ZZEF1: variants seen among roughly 807,000 people sequenced by gnomAD.
ZZEF1 encodes the protein zinc finger ZZ-type and EF-hand domain containing 1.
Under a neutral mutation model 342.8 loss-of-function variants are expected in ZZEF1, and 157 were observed. The observed-to-expected ratio is 0.46, with a 90% CI of 0.40 to 0.52. ZZEF1 has a LOEUF of 0.52. Among genes scored for constraint, ZZEF1 ranks in the 20% least tolerant of loss-of-function variants. The probability of loss-of-function intolerance (pLI) is 0.00; values close to 1 mark genes in which losing one functional copy is unlikely to be tolerated. For synonymous variants in ZZEF1, 1,505 were observed against 1,429.1 expected (o/e 1.05, Z -1.20); for missense variants, 3,480 against 3,725.6 (o/e 0.93, Z 1.72).
intron 22 of ZZEF1, 37 bp from the exon 23 acceptor site, chr17:4,075,215 A>G: frequency 3.7e-6 from 6 of 1,613,622 alleles, no homozygotes; most frequent in Non-Finnish European, 5.1e-6. Context: ...TCCTTCTCTC[A>G]TTGCTGACCT....
intron 16 of ZZEF1, among the ~76,000 whole-genome samples, chr17:4,082,838 C>T (rs189318346): frequency 1.3e-5 from 2 of 152,224 alleles, no homozygotes; most frequent in African/African-American, 4.8e-5. Flanking sequence ...TGCAATGGCG[C>T]GATCTCAGCT....
Position 4,075,097 on chromosome 17 carries a change from C to T in ZZEF1, c.3483G>A (p.Lys1161=), listed in dbSNP as rs1368471374. Residue 1161 remains lysine, a splice_region_variant and synonymous_variant, in exon 23 of 55, where the codon AAG becomes AAA. Transcript: ENST00000381638. ...DTKVGTDKWP[K]KVTFKAGPRL... The stretch of plus-strand genomic sequence containing the variant: ...ACCTCTTTCTGGGACTATCACTCAC[C>T]TTGGGCCATTTATCAGTGCCAACTT... The T allele has an allele frequency of 6.2e-7, 1 of 1,614,174 alleles. No individual in the cohort carries two copies. The highest frequency in any genetic ancestry group is 1.7e-5 in the Admixed American group (1 of 60,022).
chr17:4,117,048 C>T lies in ZZEF1; in HGVS notation c.618G>A (p.Glu206=), dbSNP rs1360063979. ...GCATGGTGCACATGTTATTGCAGTG[C>T]TCCAGCATCGGGTAGGGCATCACCG... The part of the protein sequence containing the change: ...SSAVMPYPML[E]HCNNMCTMRS... The change falls in exon 3 of 55, where the codon GAG becomes GAA. Residue 206 remains glutamate (E), a synonymous_variant. Transcript: ENST00000381638. The T allele has an allele frequency of 6.2e-7, 1 of 1,614,120 alleles. No homozygotes were observed. The highest frequency in any genetic ancestry group is 8.5e-7 in the Non-Finnish European group (1 of 1,179,992).
intron 2 of ZZEF1, among the ~76,000 whole-genome samples, chr17:4,120,920 G>T (rs1213465278): frequency 6.6e-6 from 1 of 152,108 alleles, no homozygotes. Flanking sequence ...TTTCTTAAAC[G>T]CTTAAGCACC....
Position 4,072,845 on chromosome 17 carries a change from C to A in ZZEF1, c.3686-89G>T, listed in dbSNP as rs1045087977. On this transcript the variant is annotated intron_variant, in intron 24 of 54. Coordinates refer to ENST00000381638, the MANE Select transcript of ZZEF1 (RefSeq NM_015113.4). ...ATGAGAAAGAAAAGGTTAAAAAAAA[C>A]CATGGATACTATTAAAACTTAGAGA... 8 of 1,319,000 alleles carry A rather than the reference C, an allele frequency of 6.1e-6. No individual in the cohort carries two copies. The Admixed American group carries it at 7.2e-5, about 12-fold the overall frequency. The allele number at this position is 1,319,000 out of a possible 1,614,324, so 81.7% of individuals were successfully genotyped here. A position where few individuals can be genotyped will look rare whatever the true frequency, so the allele number is the denominator to read the frequency against.
At chr17:4,041,248 A>G (rs1298915143) in intron 39 of ZZEF1, among the ~76,000 whole-genome samples, 1 of 152,104 alleles carries the variant, frequency 6.6e-6, no homozygotes, top group Admixed American at 6.6e-5. Flanking sequence ...CAACCTTCTG[A>G]GCTACAGTGT....
At chr17:4,072,526 A>T (rs2057529228) in intron 25 of ZZEF1, 82 bp downstream of exon 25, 1 of 1,453,204 alleles carries the variant, frequency 6.9e-7, no homozygotes, top group African/African-American at 1.4e-5. Flanking sequence ...TAAGATAGAA[A>T]CACAAGTGTT....
chr17:4,043,429 TAGAG>T (rs954936957), intron 38 of ZZEF1, among the ~76,000 whole-genome samples: 6 of 152,088 alleles, frequency 3.9e-5, no homozygotes, highest in Admixed American at 2.0e-4. Flanking sequence ...AAGCATCAGA[TAGAG>T]AGGGCAGAAG....
rs762259774 is a variant in ZZEF1, at chr17:4,008,550, C to T, written c.8805+333G>A. 9.4e-7 allele frequency: 1 copy of T among 1,068,942 alleles called. No individual in the cohort carries two copies. Among genetic ancestry groups the T allele is most frequent in the Non-Finnish European group, 1.1e-6 (1 of 882,806 alleles). 66.2% of individuals were successfully genotyped at this position (1,068,942 alleles called of 1,614,324 possible). A position where few individuals can be genotyped will look rare whatever the true frequency, so the allele number is the denominator to read the frequency against. On this transcript the variant is annotated intron_variant, in intron 54 of 54. Transcript: ENST00000381638. The surrounding 1 kb of genome is among the most constrained non-coding windows in gnomAD (Gnocchi z 4.2). ...AGCTGTCAGAAGAGGAGTTCCGCTA[C>T]CAGAGAAGCAACTCACATCTAAAAA...
intron 1 of ZZEF1, 39 bp from the exon 2 acceptor site, chr17:4,124,090 A>C: frequency 6.4e-7 from 1 of 1,569,392 alleles, no homozygotes; most frequent in Non-Finnish European, 8.6e-7. Flanking sequence ...GGGCTGTTTC[A>C]AGTAAACGAG....
intron 53 of ZZEF1, chr17:4,009,303 G>A: frequency 1.8e-6 from 1 of 567,020 alleles, no homozygotes. Context: ...AAAAAGAGAA[G>A]GAAGCAGAAA....
At chr17:4,138,886 G>C (rs1376132636) in intron 1 of ZZEF1, among the ~76,000 whole-genome samples, 1 of 152,218 alleles carries the variant, frequency 6.6e-6, no homozygotes, top group Non-Finnish European at 1.5e-5. Flanking sequence ...CAAACTGAGA[G>C]AGTCCCTTCT....
Position 4,042,468 on chromosome 17 carries a change from A to C in ZZEF1, c.6267T>G (p.Ile2089Met), listed in dbSNP as rs769563515. 1 of 1,613,636 alleles carries C rather than the reference A, an allele frequency of 6.2e-7. No individual in the cohort carries two copies. The highest frequency in any genetic ancestry group is 8.5e-7 in the Non-Finnish European group (1 of 1,179,900). Residue 2089 changes from isoleucine to methionine, a missense_variant, in exon 39 of 55, where the codon ATT becomes ATG. By Grantham distance (10) the Ile-to-Met change is conservative (BLOSUM62 1). Around this residue, in one of 5 missense-constraint regions of ZZEF1, gnomAD observed 1,269 missense variants for 1,342.4 expected, o/e 0.95. Transcript: ENST00000381638. ...GTAACATGGCTGCTAGTAATCCCAA[A>C]ATCCTCTTCTGGGAACACTCAGCAA... ...QVFAECSQKR[I>M]LGLLAAMLPP...
chr17:4,013,687 T>C (rs2056027843), intron 51 of ZZEF1, 73 bp from the exon 52 acceptor site: 2 of 1,422,686 alleles, frequency 1.4e-6, no homozygotes, highest in Non-Finnish European at 1.9e-6. Context: ...AAATAAAGTA[T>C]AACAATTGTG....
At chr17:4,111,695 CATA>C (rs1347847131) in intron 5 of ZZEF1, among the ~76,000 whole-genome samples, 1 of 145,704 alleles carries the variant, frequency 6.9e-6, no homozygotes, top group Non-Finnish European at 1.5e-5. Context: ...ATATATTACA[CATA>C]TAAGCATACA....
At chr17:4,028,276 T>C (rs1166464150) in intron 42 of ZZEF1, among the ~76,000 whole-genome samples, 1 of 152,148 alleles carries the variant, frequency 6.6e-6, no homozygotes, top group African/African-American at 2.4e-5. Flanking sequence ...TGGCCAGGCA[T>C]GGTGGTTCAC....
intron 26 of ZZEF1, among the ~76,000 whole-genome samples, chr17:4,070,162 G>C (rs796918206): frequency 6.6e-6 from 1 of 152,208 alleles, no homozygotes; most frequent in Non-Finnish European, 1.5e-5. Flanking sequence ...GTGATGCTAC[G>C]AAGGCGCTGC....
chr17:4,124,804 T>C (rs531550162), intron 1 of ZZEF1, among the ~76,000 whole-genome samples: 1 of 152,264 alleles, frequency 6.6e-6, no homozygotes, highest in Middle Eastern at 3.4e-3. Context: ...TTGGTTTATC[T>C]GTTTCACAGC....
chr17:4,134,090 A>G (rs2058710836), intron 1 of ZZEF1, among the ~76,000 whole-genome samples: 1 of 152,130 alleles, frequency 6.6e-6, no homozygotes, highest in Non-Finnish European at 1.5e-5. Context: ...ACAAAAACAA[A>G]TAATTTTGGC....
Sources: allele counts gnomAD v4.1 joint callset (sites outside exome capture counted in the v4.1 genomes callset), GRCh38; gene constraint gnomAD v4.1.1; regional missense constraint gnomAD v4.1.1; non-coding constraint Gnocchi (gnomAD v3.1); transcripts MANE v1.5; gene names NCBI Gene and HGNC (gene_info 2026-07-23, HGNC 2026-07-21).